Variants in C8orf34 observed in about 807,000 individuals in gnomAD.
The protein encoded by C8orf34 is chromosome 8 open reading frame 34.
Under a neutral mutation model 68.3 loss-of-function variants are expected in C8orf34, and 65 were observed. That is an observed-to-expected ratio of 0.95 (90% CI 0.78 to 1.17). The LOEUF (loss-of-function observed/expected upper bound fraction) is 1.17. C8orf34 is among the 50% of genes most tolerant of loss of function. The pLI, the probability that C8orf34 is intolerant of heterozygous loss-of-function variation, is 0.00. For missense variants in C8orf34, 664 were observed against 655.4 expected, an observed-to-expected ratio of 1.01 and a Z score of -0.14; for synonymous variants, 244 against 241.2, an observed-to-expected ratio of 1.01 and a Z score of -0.11.
Position 68,614,607 on chromosome 8 carries a change from G to A in C8orf34, c.1106-25769G>A, listed in dbSNP as rs559614097. ...AAAGATCAGATAGTTGTAGATATGC[G>A]GTGTTATTTCTGAGGGCTCTGTTGT... On this transcript the variant is annotated intron_variant, in intron 7 of 13. Coordinates refer to ENST00000518698, the MANE Select transcript of C8orf34 (RefSeq NM_052958.4). Among the ~76,000 whole-genome samples the A allele has an allele frequency of 3.0e-4, 45 of 152,130 alleles. 1 individual carries two copies. Among genetic ancestry groups the A allele is most frequent in the East Asian group, 1.2e-3 (6 of 5,174 alleles).
intron 8 of C8orf34, among the ~76,000 whole-genome samples, chr8:68,670,886 T>A (rs191355919): frequency 3.9e-5 from 6 of 152,350 alleles, no homozygotes; most frequent in South Asian, 4.1e-4. Context: ...ATAGCACTTA[T>A]GAAAATTATT....
intron 7 of C8orf34, among the ~76,000 whole-genome samples, chr8:68,605,902 C>A (rs1817839469): frequency 6.6e-6 from 1 of 152,080 alleles, no homozygotes; most frequent in African/African-American, 2.4e-5. Context: ...TAATGTAGGT[C>A]CATCAGTTGT....
At position 68,652,408 on chromosome 8, in the gene C8orf34, A is replaced by G. The variant is rs181496413; in HGVS notation, c.1241+11897A>G. Among the ~76,000 whole-genome samples the G allele has an allele frequency of 5.3e-5, 8 of 152,154 alleles. No homozygotes were observed. The East Asian group carries it at 1.4e-3, about 26-fold the overall frequency. On this transcript the variant is annotated intron_variant, in intron 8 of 13. Coordinates refer to ENST00000518698, the MANE Select transcript of C8orf34 (RefSeq NM_052958.4). ...GTCTTTTGAAGCACAAAGCTTTTTCATTTTGATCAAGTCCCATTTATCTGT... is the reference window on the plus strand; with the variant it reads ...GTCTTTTGAAGCACAAAGCTTTTTCGTTTTGATCAAGTCCCATTTATCTGT...
In C8orf34 at chr8:68,332,842, A is replaced by G. The variant is rs992940166; in HGVS notation, c.327+1503A>G. ...TGTTAACAAAGGCAATCCATGCAAG[A>G]GCGAAATAAAATTGATGGAACTACC... On this transcript the variant is annotated intron_variant, in intron 1 of 13. Transcript: ENST00000518698. Among the ~76,000 whole-genome samples the G allele has an allele frequency of 3.3e-5, 5 of 152,330 alleles. No individual in the cohort carries two copies. The East Asian group carries it at 9.6e-4, about 29-fold the overall frequency.
chr8:68,745,740 T>C (rs1381720292), intron 10 of C8orf34, among the ~76,000 whole-genome samples: 8 of 151,980 alleles, frequency 5.3e-5, no homozygotes, highest in African/African-American at 1.7e-4. Flanking sequence ...TAAAGCAAGT[T>C]CTGAGTGACC....
intron 1 of C8orf34, among the ~76,000 whole-genome samples, chr8:68,347,168 A>G (rs1197379366): frequency 6.6e-6 from 1 of 151,722 alleles, no homozygotes; most frequent in Non-Finnish European, 1.5e-5. Context: ...TTGTGTTCAT[A>G]AGTTCTTATT....
chr8:68,682,623 C>A (rs1192111740), intron 8 of C8orf34, among the ~76,000 whole-genome samples: 2 of 152,154 alleles, frequency 1.3e-5, no homozygotes, highest in African/African-American at 2.4e-5. Flanking sequence ...GTGCCATATT[C>A]TGACCTCTTA....
intron 5 of C8orf34, among the ~76,000 whole-genome samples, chr8:68,493,725 A>G (rs1813408604): frequency 1.3e-5 from 2 of 152,242 alleles, no homozygotes. Context: ...ATCCACCCTC[A>G]TAAATGAGAT....
intron 7 of C8orf34, among the ~76,000 whole-genome samples, chr8:68,602,435 T>C (rs1014565766): frequency 1.3e-5 from 2 of 152,096 alleles, no homozygotes; most frequent in Admixed American, 6.6e-5. Context: ...CTTCACATGG[T>C]GGCAGGAGAG....
chr8:68,507,347 A>G (rs533623641), intron 5 of C8orf34, among the ~76,000 whole-genome samples: 93 of 152,324 alleles, frequency 6.1e-4, no homozygotes, highest in Admixed American at 2.0e-3. Flanking sequence ...ATTAAAAAAG[A>G]CAGTTTTTTG....
intron 1 of C8orf34, among the ~76,000 whole-genome samples, chr8:68,421,935 A>G (rs1014541155): frequency 6.6e-6 from 1 of 152,228 alleles, no homozygotes; most frequent in Non-Finnish European, 1.5e-5. Flanking sequence ...GAAATGGCAG[A>G]TGCTTATAAA....
At chr8:68,382,906 G>T (rs928330341) in intron 1 of C8orf34, among the ~76,000 whole-genome samples, 3 of 151,944 alleles carry the variant, frequency 2.0e-5, no homozygotes. Context: ...CTTTGCATCC[G>T]TGCACTGGCA....
At chr8:68,375,963 AC>A (rs982833030) in intron 1 of C8orf34, among the ~76,000 whole-genome samples, 1 of 152,108 alleles carries the variant, frequency 6.6e-6, no homozygotes, top group Non-Finnish European at 1.5e-5. Flanking sequence ...CATCAACCCA[AC>A]CGTTTGTCTA....
chr8:68,736,631 A>G (rs1176612850), intron 10 of C8orf34, among the ~76,000 whole-genome samples: 4 of 152,088 alleles, frequency 2.6e-5, no homozygotes, highest in South Asian at 2.1e-4. Flanking sequence ...GTAACAAGTC[A>G]TGTTCATCTC....
intron 12 of C8orf34, among the ~76,000 whole-genome samples, chr8:68,792,906 C>G (rs529098590): frequency 1.3e-5 from 2 of 151,204 alleles, no homozygotes; most frequent in African/African-American, 4.8e-5. Context: ...TGTATGTATG[C>G]ATATATAAAA....
At chr8:68,593,230 T>C (rs1451765659) in intron 7 of C8orf34, among the ~76,000 whole-genome samples, 2 of 152,258 alleles carry the variant, frequency 1.3e-5, no homozygotes, top group East Asian at 3.9e-4. Flanking sequence ...TGTAAGAGTA[T>C]TGAAATTAAA....
chr8:68,476,232 G>A (rs1812611856), intron 4 of C8orf34, among the ~76,000 whole-genome samples: 1 of 152,180 alleles, frequency 6.6e-6, no homozygotes, highest in Non-Finnish European at 1.5e-5. Context: ...TTTTAGTAGT[G>A]GAGACAGGTT....
At chr8:68,573,958 C>A (rs1816828109) in intron 7 of C8orf34, among the ~76,000 whole-genome samples, 1 of 152,120 alleles carries the variant, frequency 6.6e-6, no homozygotes, top group Non-Finnish European at 1.5e-5. Context: ...TCTTATCTTG[C>A]ACATTTTCAA....
At chr8:68,551,174 T>G (rs1166676581) in intron 7 of C8orf34, among the ~76,000 whole-genome samples, 4 of 151,948 alleles carry the variant, frequency 2.6e-5, no homozygotes, top group African/African-American at 9.7e-5. Flanking sequence ...TGCCCCACAG[T>G]TCTTGAATAT....
Sources: gnomAD v4.1 joint callset for allele counts (sites outside exome capture counted in the v4.1 genomes callset) on GRCh38, gnomAD v4.1.1 for gene constraint, MANE v1.5 for transcripts, NCBI Gene and HGNC (gene_info 2026-07-23, HGNC 2026-07-21) for gene names.